The following KLHL15 variants were observed in gnomAD, a reference collection of about 807,000 sequenced individuals.
KLHL15 encodes kelch like family member 15, also known as kelch-like protein 15.
KLHL15 carries 1 observed loss-of-function variant against 29.3 expected under a neutral mutation model. The ratio of observed to expected loss-of-function variants is 0.03; its 90% CI spans 0.01 to 0.16. The LOEUF (loss-of-function observed/expected upper bound fraction) is 0.16. Ranked by LOEUF, KLHL15 falls within the 10% of genes least tolerant of loss-of-function variation. The pLI is 1.00. For missense variants in KLHL15, 215 were observed against 478.5 expected (o/e 0.45, Z 5.14); for synonymous variants, 212 against 184.5 (o/e 1.15, Z -1.21).
chrX:24,009,711 C>T (rs1273788835), intron 2 of KLHL15, among the ~76,000 whole-genome samples: 1 of 95,374 alleles, frequency 1.0e-5, no homozygotes, highest in Non-Finnish European at 2.0e-5. Context: ...AAAAAAAAGC[C>T]GGGCTCAGTG....
At chrX:24,003,265 G>C (rs1022367631) in intron 3 of KLHL15, among the ~76,000 whole-genome samples, 1 of 111,055 alleles carries the variant, frequency 9.0e-6, no homozygotes, top group Non-Finnish European at 1.9e-5. Flanking sequence ...TAGATGCATG[G>C]CCAGGCGCGG....
intron 1 of KLHL15, among the ~76,000 whole-genome samples, chrX:24,026,676 T>TAC (rs1555979927): frequency 1.9e-5 from 2 of 106,374 alleles, no homozygotes; most frequent in Non-Finnish European, 3.8e-5. Flanking sequence ...AACTTGAACA[T>TAC]ACCATCTTTC....
At chrX:24,003,647 A>G (rs367731217) in intron 3 of KLHL15, among the ~76,000 whole-genome samples, 23 of 96,473 alleles carry the variant, frequency 2.4e-4, no homozygotes, top group Non-Finnish European at 4.3e-4. Flanking sequence ...GCATAAATAT[A>G]TGTGTGTGTG....
At position 23,985,859 on chromosome X, in the gene KLHL15, C is replaced by A. The variant is rs991171166; in HGVS notation, c.*2062G>T. On this transcript the variant is annotated 3_prime_UTR_variant, in exon 4 of 4. Transcript: ENST00000328046. The stretch of plus-strand genomic sequence containing the variant: ...ATTTTCTTTAAAGCAAAATAGCACA[C>A]ATACAAAGCCACTAAACTAATGTAG... 9.0e-6 allele frequency: 1 copy of A among 111,714 alleles called. No individual in the cohort carries two copies. The highest frequency in any genetic ancestry group is 1.9e-5 in the Non-Finnish European group (1 of 53,052). 9.2% of individuals were successfully genotyped at this position (111,714 alleles called of 1,213,427 possible).
At chrX:23,998,596 G>C (rs1929243799) in intron 3 of KLHL15, among the ~76,000 whole-genome samples, 1 of 111,708 alleles carries the variant, frequency 9.0e-6, no homozygotes, top group Non-Finnish European at 1.9e-5. Context: ...GTACAACTAA[G>C]TTCTAGAATT....
intron 3 of KLHL15, among the ~76,000 whole-genome samples, chrX:23,993,898 T>C (rs1929133755): frequency 9.4e-6 from 1 of 106,911 alleles, no homozygotes; most frequent in Non-Finnish European, 1.9e-5. Context: ...ATACAAAAAA[T>C]AGCTAGGCGT....
intron 3 of KLHL15, among the ~76,000 whole-genome samples, chrX:23,997,304 G>A (rs1444212553): frequency 8.9e-6 from 1 of 112,091 alleles, no homozygotes; most frequent in Non-Finnish European, 1.9e-5. Flanking sequence ...TGGGCATAGT[G>A]GTGTGCCCCT....
At chrX:24,003,815 C>T (rs1337140082) in intron 3 of KLHL15, among the ~76,000 whole-genome samples, 1 of 108,400 alleles carries the variant, frequency 9.2e-6, no homozygotes, top group Non-Finnish European at 1.9e-5. Flanking sequence ...TGGCCAGGCA[C>T]GGTGGCTCAC....
chrX:24,015,466 A>T (rs1929656971), intron 2 of KLHL15, among the ~76,000 whole-genome samples: 1 of 112,682 alleles, frequency 8.9e-6, no homozygotes, highest in African/African-American at 3.2e-5. Flanking sequence ...TAGTGCATTT[A>T]TCAATAAGAC....
intron 2 of KLHL15, among the ~76,000 whole-genome samples, chrX:24,022,581 CG>C (rs781064792): frequency 6.4e-4 from 65 of 102,230 alleles, no homozygotes; most frequent in African/African-American, 2.3e-3. Context: ...TTCCAATGAG[CG>C]GGGATCGGAT....
chrX:24,026,952 A>G (rs1418783388), intron 1 of KLHL15, among the ~76,000 whole-genome samples, 188 bp downstream of exon 1: 3 of 112,399 alleles, frequency 2.7e-5, no homozygotes, highest in Non-Finnish European at 5.6e-5. Context: ...CTACATGACA[A>G]ATTACCCCAG....
At chrX:23,995,585 C>G (rs139269503) in intron 3 of KLHL15, among the ~76,000 whole-genome samples, 374 of 110,087 alleles carry the variant, frequency 3.4e-3, no homozygotes, top group African/African-American at 0.012. Context: ...AAATTAAAGA[C>G]GGTATATACA....
chrX:23,997,496 G>A (rs1180635836), intron 3 of KLHL15, among the ~76,000 whole-genome samples: 2 of 109,263 alleles, frequency 1.8e-5, no homozygotes, highest in East Asian at 5.8e-4. Flanking sequence ...TTAGCACTTA[G>A]GGAGGCAGGT....
intron 3 of KLHL15, among the ~76,000 whole-genome samples, chrX:24,002,635 G>A (rs1192553571): frequency 9.6e-6 from 1 of 104,160 alleles, no homozygotes; most frequent in Non-Finnish European, 2.0e-5. Context: ...GGGTGGGGTA[G>A]GGGATTGGGG....
intron 3 of KLHL15, among the ~76,000 whole-genome samples, chrX:24,003,993 A>G (rs1929391423): frequency 9.1e-6 from 1 of 110,278 alleles, no homozygotes; most frequent in Admixed American, 9.7e-5. Flanking sequence ...TCTTATCTTC[A>G]CCTAAGGAGA....
intron 3 of KLHL15, among the ~76,000 whole-genome samples, chrX:23,998,385 T>C (rs1209411674): frequency 9.1e-6 from 1 of 110,458 alleles, no homozygotes; most frequent in African/African-American, 3.3e-5. Flanking sequence ...GCCTCCCGAG[T>C]AGCTGGGACT....
intron 1 of KLHL15, among the ~76,000 whole-genome samples, chrX:24,025,605 A>G (rs1286468995): frequency 2.8e-5 from 3 of 107,478 alleles, no homozygotes; most frequent in Non-Finnish European, 5.9e-5. Flanking sequence ...CGAGGGGGCC[A>G]GCCCGTGGCC....
At chrX:24,026,304 A>T (rs1261854618) in intron 1 of KLHL15, among the ~76,000 whole-genome samples, 1 of 112,383 alleles carries the variant, frequency 8.9e-6, no homozygotes, top group East Asian at 2.8e-4. Context: ...CAAAATAATC[A>T]AGAACGAACA....
chrX:24,025,510 G>A (rs1406571648), intron 1 of KLHL15, among the ~76,000 whole-genome samples: 4 of 106,025 alleles, frequency 3.8e-5, no homozygotes, highest in Non-Finnish European at 7.9e-5. Flanking sequence ...AGGCCGCCAC[G>A]CTGGGAGAGA....
Sources: allele counts gnomAD v4.1 joint callset (sites outside exome capture counted in the v4.1 genomes callset), GRCh38; gene constraint gnomAD v4.1.1; transcripts MANE v1.5; gene names NCBI Gene and HGNC (gene_info 2026-07-23, HGNC 2026-07-21).